The following CPNE7 variants were observed in gnomAD, a reference collection of about 807,000 sequenced individuals.
The protein encoded by CPNE7 is copine 7, also known as copine-7.
In CPNE7, 78 loss-of-function variants were observed where a neutral mutation model predicts 66.5. The observed-to-expected ratio is 1.17, with a 90% CI of 0.98 to 1.42. The LOEUF (loss-of-function observed/expected upper bound fraction) is 1.42, where lower values mean the gene tolerates loss of function less well. Ranked by LOEUF, CPNE7 falls within the 40% of genes most tolerant of loss-of-function variation. The pLI is 0.00. For synonymous variants in CPNE7, 468 were observed against 336.7 expected (o/e 1.39, Z -4.27); for missense variants, 1,012 against 776.6 (o/e 1.30, Z -3.60).
In CPNE7 at chr16:89,589,954, A is replaced by G; in HGVS notation, c.1116+3A>G. On this transcript the variant is annotated splice_donor_region_variant and intron_variant, in intron 11 of 14. Coordinates refer to ENST00000319518, the MANE Select transcript of CPNE7 (RefSeq NM_153636.3). Reference sequence around the variant, plus strand: ...CCCGGATCCCTCCCAAGTATGAGGTAGGAGAGCCCAGAACCTGAGACCTCA... The same window carrying G: ...CCCGGATCCCTCCCAAGTATGAGGTGGGAGAGCCCAGAACCTGAGACCTCA... 1 of 1,613,528 alleles carries G rather than the reference A, an allele frequency of 6.2e-7. No individual in the cohort carries two copies. Among genetic ancestry groups the G allele is most frequent in the Non-Finnish European group, 8.5e-7 (1 of 1,179,904 alleles).
intron 2 of CPNE7, chr16:89,578,946 C>G: frequency 6.2e-7 from 1 of 1,613,144 alleles, no homozygotes; most frequent in South Asian, 1.1e-5. Context: ...ACTTCCTGTG[C>G]TGCACGGAAT....
In CPNE7 at chr16:89,588,693, G is replaced by A. The variant is rs201931228; in HGVS notation, c.946G>A (p.Ala316Thr). Residue 316 changes from alanine (A) to threonine (T), a missense_variant, in exon 10 of 15, where the codon GCC becomes ACC. By Grantham distance (58) the Ala-to-Thr change is moderately conservative. Transcript: ENST00000319518. ...ACTGCAGGTGGCCATTGACTTCACC[G>A]CCTCCAATGGAGACCCGCGGAACAG... is the stretch of plus-strand genomic sequence containing the variant. Reference protein sequence around the residue: ...IHFTVAIDFTASNGDPRNSCS... With the variant: ...IHFTVAIDFTTSNGDPRNSCS... The A allele has an allele frequency of 8.6e-5, 138 of 1,613,224 alleles. No individual in the cohort carries two copies. The highest frequency in any genetic ancestry group is 2.4e-4 in the African/African-American group (18 of 75,018).
intron 9 of CPNE7, chr16:89,587,695 A>C (rs1484171897): frequency 2.8e-6 from 1 of 356,230 alleles, no homozygotes; most frequent in Non-Finnish European, 5.8e-6. Flanking sequence ...ATAGATACGC[A>C]CACCCCGTGT....
intron 13 of CPNE7, among the ~76,000 whole-genome samples, chr16:89,594,712 C>T (rs975636299): frequency 1.5e-5 from 2 of 131,914 alleles, no homozygotes; most frequent in Non-Finnish European, 1.5e-5. Context: ...AGTGCAATGG[C>T]GCGATCTCAG....
chr16:89,585,961 G>A (rs2059031277), intron 7 of CPNE7, among the ~76,000 whole-genome samples, 176 bp downstream of exon 7: 2 of 113,180 alleles, frequency 1.8e-5, no homozygotes, highest in Non-Finnish European at 3.7e-5. Flanking sequence ...CACCTCTGGG[G>A]AGGAGCAGGT....
rs1448023010 is a variant in CPNE7, at chr16:89,584,826, A to G, written c.560A>G (p.Asp187Gly). 6.2e-7 allele frequency: 1 copy of G among 1,613,604 alleles called. No individual in the cohort carries two copies. Among genetic ancestry groups the G allele is most frequent in the Admixed American group, 1.7e-5 (1 of 60,016 alleles). Reference protein sequence around the residue: ...PFLELYRVNDDQGLQLVYRTE... With the variant: ...PFLELYRVNDGQGLQLVYRTE... ...CTGGAGCTCTACAGGGTCAACGACG[A>G]CCAGGGCTTGCAGCTGGTGTACAGG... is the stretch of plus-strand genomic sequence containing the variant. The change falls in exon 5 of 15, where the codon GAC becomes GGC. Residue 187 changes from aspartate (D) to glycine (G), a missense_variant. By Grantham distance (94) the Asp-to-Gly change is moderately conservative. Transcript: ENST00000319518. This position sits in a 1 kb window ranked among gnomAD's most constrained non-coding sequence, Gnocchi z 6.0.
Position 89,575,906 on chromosome 16 carries a change from G to C in CPNE7, c.9G>C (p.Ala3=), listed in dbSNP as rs1170759082. MS[A]GSERGAAATP... Reference sequence around the variant, plus strand: ...CCCCGAACGCCGGGAGCATGAGCGCGGGCTCGGAGCGCGGGGCGGCGGCAA... The same window carrying C: ...CCCCGAACGCCGGGAGCATGAGCGCCGGCTCGGAGCGCGGGGCGGCGGCAA... The change falls in exon 1 of 15, where the codon GCG becomes GCC. Residue 3 remains alanine (A), a synonymous_variant. Coordinates refer to ENST00000319518, the MANE Select transcript of CPNE7 (RefSeq NM_153636.3). 5 of 1,234,894 alleles carry C rather than the reference G, an allele frequency of 4.0e-6. No homozygotes were observed. Among genetic ancestry groups the C allele is most frequent in the Non-Finnish European group, 5.1e-6 (5 of 987,960 alleles). 76.5% of individuals were successfully genotyped at this position (1,234,894 alleles called of 1,614,324 possible).
chr16:89,589,485 C>T (rs2059137161), intron 10 of CPNE7, among the ~76,000 whole-genome samples: 2 of 152,178 alleles, frequency 1.3e-5, no homozygotes, highest in African/African-American at 4.8e-5. Flanking sequence ...CTCTGAGCTT[C>T]TTACCACAAC....
rs776609790 is a variant in CPNE7, at chr16:89,587,058, T to C, written c.883T>C (p.Ser295Pro). ...LADLKFHRVY[S>P]FLDYIMGGCQ... ...CGGCCGGAAGTTCCACAGGGTGTACTCCTTCCTGGACTATATCATGGGCGG... is the reference window on the plus strand; with the variant it reads ...CGGCCGGAAGTTCCACAGGGTGTACCCCTTCCTGGACTATATCATGGGCGG... The change falls in exon 9 of 15, where the codon TCC becomes CCC. Residue 295 changes from serine to proline, a missense_variant. Transcript: ENST00000319518. 16 of 1,580,186 alleles carry C rather than the reference T, an allele frequency of 1.0e-5. No individual in the cohort carries two copies. The highest frequency in any genetic ancestry group is 1.3e-5 in the Non-Finnish European group (15 of 1,163,062).
rs990700799 is a variant in CPNE7 at position 89,579,702 on chromosome 16, TGGAACATCCCATCACCCATCACAC to T, written c.357+2006_357+2029del. Among the ~76,000 whole-genome samples the T allele has an allele frequency of 4.5e-5, 6 of 132,960 alleles. No homozygotes were observed. The East Asian group carries it at 7.2e-4, about 16-fold the overall frequency. The allele number at this position is 132,960 out of a possible 152,430, so 87.2% of individuals were successfully genotyped here. On this transcript the variant is annotated intron_variant, in intron 2 of 14. Coordinates refer to ENST00000319518, the MANE Select transcript of CPNE7 (RefSeq NM_153636.3). ...TGGAACATCCCGTCATCTGCTCACA[TGGAACATCCCATCACCCATCACAC>T]GGAACATCCCATCACCCATCACACA...
rs372195445 is a variant in CPNE7 at position 89,588,622 on chromosome 16, C to T, written c.928-53C>T. On this transcript the variant is annotated intron_variant, in intron 9 of 14. Transcript: ENST00000319518. ...GCGTGGTTTCTCTACCTGTCAGGAG[C>T]GGGTTCGGGGAGCCCCGGCCCAGCA... is the stretch of plus-strand genomic sequence containing the variant. 614 of 1,606,254 alleles carry T rather than the reference C, an allele frequency of 3.8e-4. 3 individuals carry two copies. In the East Asian group the frequency reaches 9.2e-3, roughly 24 times the overall value.
chr16:89,593,923 G>A (rs2059212867), intron 13 of CPNE7, among the ~76,000 whole-genome samples: 1 of 152,174 alleles, frequency 6.6e-6, no homozygotes, highest in African/African-American at 2.4e-5. Context: ...ATCTGTAAAT[G>A]TCAGTATCAG....
intron 8 of CPNE7, 61 bp downstream of exon 8, chr16:89,586,817 CTGAT>C: frequency 8.3e-6 from 12 of 1,449,334 alleles, no homozygotes; most frequent in Non-Finnish European, 1.2e-5. Context: ...CTGCCTCCCT[CTGAT>C]TGTTGGATGG....
At chr16:89,580,087 G>A (rs112173051) in intron 2 of CPNE7, among the ~76,000 whole-genome samples, 215 of 18,748 alleles carry the variant, frequency 0.011, 27 homozygotes, top group African/African-American at 0.014. Context: ...CTGCAGACAC[G>A]GAACATCTCA....
intron 9 of CPNE7, 128 bp from the exon 10 acceptor site, chr16:89,588,547 C>G (rs966337411): frequency 3.4e-6 from 4 of 1,175,984 alleles, no homozygotes; most frequent in Admixed American, 2.0e-5. Context: ...AGCAGCCCCC[C>G]AGCCCTACCC....
At position 89,575,800 on chromosome 16, in the gene CPNE7, C is replaced by A; in HGVS notation, c.-98C>A. 1 of 936,232 alleles carries A rather than the reference C, an allele frequency of 1.1e-6. No homozygotes were observed. Among genetic ancestry groups the A allele is most frequent in the East Asian group, 7.5e-5 (1 of 13,336 alleles). 58.0% of individuals were successfully genotyped at this position (936,232 alleles called of 1,614,324 possible). On this transcript the variant is annotated 5_prime_UTR_variant, in exon 1 of 15. Coordinates refer to ENST00000319518, the MANE Select transcript of CPNE7 (RefSeq NM_153636.3). ...GCAGGCGTTCAGGGAAGCGCGGCCA[C>A]GCCTGGGCCGGCCACCATTTCCCGG... is the stretch of plus-strand genomic sequence containing the variant.
In CPNE7 at chr16:89,583,733, C is replaced by A. The variant is rs2058992217; in HGVS notation, c.394C>A (p.Leu132Ile). The A allele has an allele frequency of 6.2e-7, 1 of 1,612,808 alleles. No individual in the cohort carries two copies. The highest frequency in any genetic ancestry group is 2.2e-5 in the East Asian group (1 of 44,860). The stretch of plus-strand genomic sequence containing the variant: ...GAAGAAGGTGACCCGCCCGCTGCTG[C>A]TCAAGTTTGGCAGGAACGCTGGCAA... ...AQKKVTRPLL[L>I]KFGRNAGKST... is the part of the protein sequence containing the mutation. The change falls in exon 3 of 15, where the codon CTC becomes ATC. Residue 132 changes from leucine to isoleucine, a missense_variant. Physicochemically the swap from Leu to Ile is conservative, Grantham distance 5. Coordinates refer to ENST00000319518, the MANE Select transcript of CPNE7 (RefSeq NM_153636.3).
At chr16:89,582,396 G>C (rs571723050) in intron 2 of CPNE7, among the ~76,000 whole-genome samples, 1 of 152,234 alleles carries the variant, frequency 6.6e-6, no homozygotes, top group Non-Finnish European at 1.5e-5. Context: ...GCCTGAGCCC[G>C]TTTCTCTCCT....
Position 89,589,934 on chromosome 16 carries a change from A to G in CPNE7, c.1099A>G (p.Ile367Val). ...TTCCGCTTTGGGGTTTGGAGCCCGG[A>G]TCCCTCCCAAGTATGAGGTAGGAGA... ...RFSALGFGARIPPKYEVSHDF... is the reference protein window; with the variant it reads ...RFSALGFGARVPPKYEVSHDF... The change falls in exon 11 of 15, where the codon ATC becomes GTC. Residue 367 changes from isoleucine to valine, a missense_variant. Ile to Val is a conservative substitution (Grantham distance 29). Coordinates refer to ENST00000319518, the MANE Select transcript of CPNE7 (RefSeq NM_153636.3). The G allele has an allele frequency of 6.2e-7, 1 of 1,613,644 alleles. No homozygotes were observed. Among genetic ancestry groups the G allele is most frequent in the Non-Finnish European group, 8.5e-7 (1 of 1,179,958 alleles).
Sources: gnomAD v4.1 joint callset for allele counts (sites outside exome capture counted in the v4.1 genomes callset) on GRCh38, gnomAD v4.1.1 for gene constraint, Gnocchi (gnomAD v3.1) non-coding constraint, MANE v1.5 for transcripts, NCBI Gene and HGNC (gene_info 2026-07-23, HGNC 2026-07-21) for gene names.